The following GSPT1 variants were observed in gnomAD, a reference collection of about 807,000 sequenced individuals.
GSPT1 encodes G1 to S phase transition 1, also known as eukaryotic peptide chain release factor GTP-binding subunit ERF3A.
Under a neutral mutation model 72.5 loss-of-function variants are expected in GSPT1, and 20 were observed. That is an observed-to-expected ratio of 0.28 (90% CI 0.19 to 0.40). The LOEUF is 0.40. Among genes scored for constraint, GSPT1 ranks in the 10% least tolerant of loss-of-function variants. The pLI is 1.00. For missense variants in GSPT1, 580 were observed against 811.9 expected (o/e 0.71, Z 3.47); for synonymous variants, 334 against 293.5 (o/e 1.14, Z -1.41).
chr16:11,892,519 A>AAAAT (rs1555504705), intron 5 of GSPT1, among the ~76,000 whole-genome samples: 2 of 142,696 alleles, frequency 1.4e-5, no homozygotes, highest in African/African-American at 5.6e-5. Flanking sequence ...AAAAACAAAA[A>AAAAT]AAACAAAAAA....
At chr16:11,900,574 A>G (rs975236464) in intron 1 of GSPT1, among the ~76,000 whole-genome samples, 2 of 152,130 alleles carry the variant, frequency 1.3e-5, no homozygotes, top group African/African-American at 4.8e-5. Context: ...GCACATCAGA[A>G]TCAACTGCAG....
At chr16:11,899,015 A>C (rs1201987978) in intron 1 of GSPT1, among the ~76,000 whole-genome samples, 4 of 152,130 alleles carry the variant, frequency 2.6e-5, no homozygotes. Context: ...CATACTAATA[A>C]CCAAATATCT....
chr16:11,881,737 T>C (rs1219980331), intron 11 of GSPT1: 1 of 144,146 alleles, frequency 6.9e-6, no homozygotes, highest in Non-Finnish European at 1.5e-5. Flanking sequence ...TCATAAATCA[T>C]AGCAACCTTG....
intron 1 of GSPT1, among the ~76,000 whole-genome samples, chr16:11,903,316 G>C (rs1206284776): frequency 1.3e-5 from 2 of 152,042 alleles, no homozygotes; most frequent in South Asian, 2.1e-4. Flanking sequence ...TTTGAGACCA[G>C]CCTGGCCAAC....
intron 1 of GSPT1, among the ~76,000 whole-genome samples, chr16:11,907,049 C>T (rs2054499075): frequency 6.6e-6 from 1 of 152,222 alleles, no homozygotes; most frequent in Non-Finnish European, 1.5e-5. Context: ...AGGCTCGGTA[C>T]AGACAGTGGT....
chr16:11,895,043 AT>A, intron 4 of GSPT1, 56 bp from the exon 5 acceptor site: 1 of 1,068,990 alleles, frequency 9.4e-7, no homozygotes, highest in South Asian at 1.3e-5. Flanking sequence ...CAATGGCTAA[AT>A]ATGCAAACAA....
At chr16:11,904,601 C>G (rs569473973) in intron 1 of GSPT1, among the ~76,000 whole-genome samples, 2 of 151,984 alleles carry the variant, frequency 1.3e-5, no homozygotes, top group East Asian at 1.9e-4. Context: ...TATGGAGAAT[C>G]CTACTTGGCC....
chr16:11,909,940 C>CAA (rs1231201766), intron 1 of GSPT1, among the ~76,000 whole-genome samples: 2 of 142,816 alleles, frequency 1.4e-5, no homozygotes, highest in Non-Finnish European at 2.9e-5. Flanking sequence ...CAAAAACAAA[C>CAA]AAAAAAACTT....
At chr16:11,892,862 A>G (rs1374653651) in intron 5 of GSPT1, among the ~76,000 whole-genome samples, 2 of 149,720 alleles carry the variant, frequency 1.3e-5, no homozygotes, top group Admixed American at 1.3e-4. Flanking sequence ...AAAAGAAAAG[A>G]AAAGGGAAAA....
At chr16:11,873,416 A>G (rs1187893758) in intron 14 of GSPT1, among the ~76,000 whole-genome samples, 1 of 152,100 alleles carries the variant, frequency 6.6e-6, no homozygotes, top group Non-Finnish European at 1.5e-5. Flanking sequence ...CCCCCAAACA[A>G]TTCTCCTGCC....
chr16:11,914,787 T>C (rs2054607404), intron 1 of GSPT1, among the ~76,000 whole-genome samples: 2 of 152,218 alleles, frequency 1.3e-5, no homozygotes, highest in Non-Finnish European at 2.9e-5. Flanking sequence ...TTGGTATTGA[T>C]AGCCAAGTTT....
intron 1 of GSPT1, chr16:11,914,851 G>T (rs964963588): frequency 2.3e-6 from 1 of 434,802 alleles, no homozygotes; most frequent in Admixed American, 3.3e-5. Context: ...GACGGTTGGG[G>T]GCCACGGACA....
chr16:11,911,505 C>T (rs1168327322), intron 1 of GSPT1, among the ~76,000 whole-genome samples: 14 of 151,852 alleles, frequency 9.2e-5, no homozygotes, highest in Non-Finnish European at 1.8e-4. Flanking sequence ...CCCACCTCAA[C>T]CTCCCAAGTA....
At chr16:11,903,382 G>A (rs1327393928) in intron 1 of GSPT1, among the ~76,000 whole-genome samples, 1 of 152,178 alleles carries the variant, frequency 6.6e-6, no homozygotes, top group East Asian at 1.9e-4. Flanking sequence ...GATGACAGGT[G>A]CCTATAATCC....
chr16:11,901,775 G>A (rs1423303907), intron 1 of GSPT1, among the ~76,000 whole-genome samples: 1 of 150,764 alleles, frequency 6.6e-6, no homozygotes, highest in Non-Finnish European at 1.5e-5. Context: ...CTGGGTGAAA[G>A]AGTGAGACCC....
At chr16:11,903,249 G>C (rs1434542804) in intron 1 of GSPT1, among the ~76,000 whole-genome samples, 3 of 152,068 alleles carry the variant, frequency 2.0e-5, no homozygotes, top group African/African-American at 7.2e-5. Context: ...GGTGGCTCAT[G>C]ACTATAATCC....
rs989510476 is a variant in GSPT1, at chr16:11,877,676, C to T, written c.1429-96G>A. 2 of 692,686 alleles carry T rather than the reference C, an allele frequency of 2.9e-6. No individual in the cohort carries two copies. Among genetic ancestry groups the T allele is most frequent in the Non-Finnish European group, 4.6e-6 (2 of 436,318 alleles). 42.9% of individuals were successfully genotyped at this position (692,686 alleles called of 1,614,324 possible). ...TGTCTGTCTGCTCAATAAAGAGTTG[C>T]AAGATTTGACTGTAAACACTTATGT... On this transcript the variant is annotated intron_variant, in intron 11 of 14. Transcript: ENST00000434724. This position sits in a 1 kb window ranked among gnomAD's most constrained non-coding sequence, Gnocchi z 4.0.
rs773760465 is a variant in GSPT1, at chr16:11,886,491, C to T, written c.1233G>A (p.Ser411=). ...CTTACATGTACCAAGGACAGAAATC[C>T]GACTGCTCTTTGAGATTTGCTCCAG... is the stretch of plus-strand genomic sequence containing the variant. ...GLTGANLKEQ[S]DFCPWYIGLP... is the part of the protein sequence containing the mutation. Residue 411 remains serine, a synonymous_variant, in exon 9 of 15, where the codon TCG becomes TCA. Coordinates refer to ENST00000434724, the MANE Select transcript of GSPT1 (RefSeq NM_002094.4). The T allele has an allele frequency of 1.7e-5, 28 of 1,612,256 alleles. No homozygotes were observed. Among genetic ancestry groups the T allele is most frequent in the Middle Eastern group, 1.7e-4 (1 of 6,042 alleles).
intron 11 of GSPT1, chr16:11,880,382 T>G (rs1421122376): frequency 6.6e-6 from 1 of 152,218 alleles, no homozygotes; most frequent in Non-Finnish European, 1.5e-5. Context: ...TTTAATTTTT[T>G]GAGGAACTGC....
Sources: allele counts gnomAD v4.1 joint callset (sites outside exome capture counted in the v4.1 genomes callset), GRCh38; gene constraint gnomAD v4.1.1; non-coding constraint Gnocchi (gnomAD v3.1); transcripts MANE v1.5; gene names NCBI Gene and HGNC (gene_info 2026-07-23, HGNC 2026-07-21).